RFTN2: variants seen among roughly 807,000 people sequenced by gnomAD.
RFTN2 encodes the protein raftlin family member 2.
In RFTN2, 34 loss-of-function variants were observed where a neutral mutation model predicts 52.7. The ratio of observed to expected loss-of-function variants is 0.64; its 90% CI spans 0.49 to 0.86. RFTN2 has a LOEUF of 0.86. RFTN2 is among the 40% of genes least tolerant of loss of function. The pLI is 0.00. For missense variants in RFTN2, 536 were observed against 600.1 expected (o/e 0.89, Z 1.12); for synonymous variants, 203 against 217.7 (o/e 0.93, Z 0.59).
At chr2:197,599,574 G>GGT (rs1287599436) in intron 7 of RFTN2, among the ~76,000 whole-genome samples, 1 of 152,056 alleles carries the variant, frequency 6.6e-6, no homozygotes, top group Non-Finnish European at 1.5e-5. Context: ...GTGGGTTAGG[G>GGT]GTGTATGTCA....
chr2:197,671,511 G>A (rs994078305), intron 1 of RFTN2, among the ~76,000 whole-genome samples: 2 of 152,226 alleles, frequency 1.3e-5, no homozygotes, highest in Admixed American at 6.5e-5. Flanking sequence ...GACACAGGGT[G>A]TACAAAGATG....
At position 197,646,623 on chromosome 2, in the gene RFTN2, A is replaced by G. The variant is rs149221681; in HGVS notation, c.183T>C (p.Asp61=). 4.3e-6 allele frequency: 7 copies of G among 1,613,334 alleles called. No homozygotes were observed. In the African/African-American group the frequency reaches 8.0e-5, roughly 18 times the overall value. The part of the protein sequence containing the change: ...PEVIKINSIL[D]IVTKVENYYL... ...AATAGTTTTCCACTTTTGTTACTATATCCAGAATTGAATTTATCTTGATGA... is the reference window on the plus strand; with the variant it reads ...AATAGTTTTCCACTTTTGTTACTATGTCCAGAATTGAATTTATCTTGATGA... Residue 61 remains aspartate (D), a synonymous_variant, in exon 2 of 9, where the codon GAT becomes GAC. Coordinates refer to ENST00000295049, the MANE Select transcript of RFTN2 (RefSeq NM_144629.3).
chr2:197,663,690 C>T (rs866440223), intron 1 of RFTN2, among the ~76,000 whole-genome samples: 30 of 151,792 alleles, frequency 2.0e-4, no homozygotes, highest in Non-Finnish European at 2.7e-4. Flanking sequence ...TTTTCATTTC[C>T]GATTTGGGTC....
intron 5 of RFTN2, among the ~76,000 whole-genome samples, chr2:197,619,497 T>A (rs2106216307): frequency 6.6e-6 from 1 of 151,210 alleles, no homozygotes; most frequent in East Asian, 1.9e-4. Flanking sequence ...GTTGAATGGA[T>A]TAAGGGCGGT....
chr2:197,641,033 T>C (rs1574735256), intron 3 of RFTN2, among the ~76,000 whole-genome samples: 1 of 152,370 alleles, frequency 6.6e-6, no homozygotes, highest in Non-Finnish European at 1.5e-5. Context: ...AATAGCAATG[T>C]CTTTTATATG....
intron 8 of RFTN2, among the ~76,000 whole-genome samples, chr2:197,575,903 A>G (rs948254368): frequency 3.5e-5 from 5 of 143,578 alleles, no homozygotes; most frequent in Admixed American, 1.5e-4. Flanking sequence ...TATAATATAT[A>G]TATGAAAAAA....
intron 6 of RFTN2, among the ~76,000 whole-genome samples, chr2:197,617,551 A>T (rs2088165350): frequency 6.6e-6 from 1 of 152,022 alleles, no homozygotes; most frequent in Non-Finnish European, 1.5e-5. Context: ...ATGGTGGTGC[A>T]GGCCTGTAGT....
chr2:197,627,555 C>T (rs2088385797), intron 5 of RFTN2, among the ~76,000 whole-genome samples: 1 of 152,250 alleles, frequency 6.6e-6, no homozygotes, highest in Non-Finnish European at 1.5e-5. Context: ...TCTACTAGTG[C>T]CACACAAACA....
chr2:197,618,887 C>G (rs996030486), intron 5 of RFTN2, among the ~76,000 whole-genome samples: 4 of 151,536 alleles, frequency 2.6e-5, no homozygotes, highest in Admixed American at 2.6e-4. Context: ...CCCCTCCGCC[C>G]AGCAGCCACC....
chr2:197,623,916 G>T (rs183217517), intron 5 of RFTN2, among the ~76,000 whole-genome samples: 1 of 151,966 alleles, frequency 6.6e-6, no homozygotes, highest in South Asian at 2.1e-4. Context: ...CACCTGCCTC[G>T]GTCTCCCAAA....
intron 3 of RFTN2, among the ~76,000 whole-genome samples, chr2:197,635,920 T>C (rs2088558570): frequency 7.4e-6 from 1 of 134,650 alleles, no homozygotes; most frequent in African/African-American, 2.8e-5. Context: ...TTGTATAAGG[T>C]GTAAGGAAGG....
chr2:197,583,880 T>C (rs984784383), intron 8 of RFTN2, among the ~76,000 whole-genome samples: 1 of 152,136 alleles, frequency 6.6e-6, no homozygotes, highest in African/African-American at 2.4e-5. Flanking sequence ...ATGTGGTGTT[T>C]GGTTTTTTGT....
chr2:197,607,268 G>A (rs920828582), intron 7 of RFTN2, among the ~76,000 whole-genome samples: 3 of 152,056 alleles, frequency 2.0e-5, no homozygotes, highest in Non-Finnish European at 4.4e-5. Context: ...CTCACAGGTG[G>A]GAATTGAACA....
chr2:197,651,291 C>CT (rs1176450548), intron 1 of RFTN2, among the ~76,000 whole-genome samples: 1 of 152,148 alleles, frequency 6.6e-6, no homozygotes, highest in African/African-American at 2.4e-5. Context: ...TCTATTTTTA[C>CT]TTTTTTTGCC....
chr2:197,573,235 T>C (rs1406807594), intron 8 of RFTN2, among the ~76,000 whole-genome samples: 1 of 152,208 alleles, frequency 6.6e-6, no homozygotes, highest in Non-Finnish European at 1.5e-5. Context: ...TGGAACTTCC[T>C]AGAGACTTAT....
At chr2:197,590,944 A>G (rs1202556656) in intron 8 of RFTN2, among the ~76,000 whole-genome samples, 1 of 152,188 alleles carries the variant, frequency 6.6e-6, no homozygotes, top group Admixed American at 6.5e-5. Flanking sequence ...GGGGAAGACG[A>G]GCCCAGCAGG....
At chr2:197,640,384 G>A (rs373669027) in intron 3 of RFTN2, among the ~76,000 whole-genome samples, 4 of 152,194 alleles carry the variant, frequency 2.6e-5, no homozygotes, top group African/African-American at 7.2e-5. Context: ...AGCAATCAGC[G>A]AGACTCCGTG....
At chr2:197,572,986 C>T (rs1290627563) in intron 8 of RFTN2, among the ~76,000 whole-genome samples, 1 of 151,950 alleles carries the variant, frequency 6.6e-6, no homozygotes, top group African/African-American at 2.4e-5. Flanking sequence ...TGAGGCCTCC[C>T]TACGTGGAAC....
At chr2:197,582,467 G>A (rs893818697) in intron 8 of RFTN2, among the ~76,000 whole-genome samples, 4 of 151,908 alleles carry the variant, frequency 2.6e-5, no homozygotes, top group Non-Finnish European at 4.4e-5. Flanking sequence ...TTGGTTTATC[G>A]ATGGCAGTTC....
Sources: allele counts gnomAD v4.1 joint callset (sites outside exome capture counted in the v4.1 genomes callset), GRCh38; gene constraint gnomAD v4.1.1; transcripts MANE v1.5; gene names NCBI Gene and HGNC (gene_info 2026-07-23, HGNC 2026-07-21).